Variants in LPXN observed in about 807,000 individuals in gnomAD.
LPXN encodes the protein leupaxin.
LPXN carries 28 observed loss-of-function variants against 45.6 expected under a neutral mutation model. The observed-to-expected ratio is 0.61, with a 90% confidence interval of 0.45 to 0.84. LPXN has a LOEUF of 0.84. LPXN is among the 40% of genes least tolerant of loss of function. The pLI is 0.00. For synonymous variants in LPXN, 166 were observed against 169.9 expected (o/e 0.98, Z 0.18); for missense variants, 459 against 475.0 (o/e 0.97, Z 0.31).
upstream of LPXN, chr11:58,578,027 G>A (rs1372385722): frequency 5.2e-6 from 8 of 1,550,956 alleles, no homozygotes; most frequent in South Asian, 1.2e-5. Context: ...ACCGGAAGAC[G>A]AGATCAATAA....
At chr11:58,528,838 CTTTT>C (rs954879632) in intron 7 of LPXN, among the ~76,000 whole-genome samples, 1 of 152,098 alleles carries the variant, frequency 6.6e-6, no homozygotes, top group Non-Finnish European at 1.5e-5. Context: ...TGTATTCCTC[CTTTT>C]TTTATTTTTT....
At chr11:58,565,949 G>C (rs764075736) in intron 2 of LPXN, among the ~76,000 whole-genome samples, 3 of 152,164 alleles carry the variant, frequency 2.0e-5, no homozygotes, top group Non-Finnish European at 4.4e-5. Context: ...AGCGAGCCAA[G>C]ATCATGCCAC....
Position 58,550,704 on chromosome 11 carries a change from A to C in LPXN, c.486+361T>G, listed in dbSNP as rs542590088. ...TGTGTGAACAAAGGGAGCAGTGAGA[A>C]AGGTCATCTCAGTAAAGGCAGTACA... On this transcript the variant is annotated intron_variant, in intron 5 of 8. Coordinates refer to ENST00000395074, the MANE Select transcript of LPXN (RefSeq NM_004811.3). Among the ~76,000 whole-genome samples the C allele has an allele frequency of 4.6e-5, 7 of 152,324 alleles. No homozygotes were observed. The South Asian group carries it at 1.4e-3, about 32-fold the overall frequency.
intron 7 of LPXN, among the ~76,000 whole-genome samples, chr11:58,548,684 G>A (rs549788252): frequency 1.8e-4 from 27 of 152,210 alleles, no homozygotes; most frequent in African/African-American, 6.0e-4. Context: ...TAAATACCAC[G>A]CTTGTATTGT....
chr11:58,578,396 C>A (rs976372318), upstream of LPXN, among the ~76,000 whole-genome samples: 4 of 152,112 alleles, frequency 2.6e-5, no homozygotes, highest in African/African-American at 9.6e-5. Flanking sequence ...AAGACTTCAT[C>A]TCCCAGAATG....
At chr11:58,575,131 T>C (rs913878727) in intron 1 of LPXN, among the ~76,000 whole-genome samples, 2 of 152,224 alleles carry the variant, frequency 1.3e-5, no homozygotes, top group African/African-American at 2.4e-5. Context: ...CTGGTTTTAA[T>C]TGTCTTAGAG....
chr11:58,577,874 A>T (rs1455094424), upstream of LPXN: 36 of 971,820 alleles, frequency 3.7e-5, 2 homozygotes, highest in South Asian at 6.1e-4. Flanking sequence ...CTAGTAGAAA[A>T]GCAACTTTAT....
chr11:58,533,380 T>TA (rs1169793556), intron 7 of LPXN, among the ~76,000 whole-genome samples: 1 of 152,068 alleles, frequency 6.6e-6, no homozygotes, highest in African/African-American at 2.4e-5. Context: ...TCAACATTCT[T>TA]AAAAGCATTT....
chr11:58,577,285 C>T (rs545257159), upstream of LPXN, among the ~76,000 whole-genome samples: 28 of 152,258 alleles, frequency 1.8e-4, no homozygotes, highest in Non-Finnish European at 5.9e-5. Context: ...TCGATTATTA[C>T]AACTGAAAAT....
At chr11:58,545,589 T>C (rs1239084827) in intron 7 of LPXN, among the ~76,000 whole-genome samples, 1 of 152,178 alleles carries the variant, frequency 6.6e-6, no homozygotes, top group Non-Finnish European at 1.5e-5. Flanking sequence ...CAAGCTCCAG[T>C]GAACAAGCAA....
At chr11:58,577,761 G>C (rs1025456691), upstream of LPXN, among the ~76,000 whole-genome samples, 4 of 151,328 alleles carry the variant, frequency 2.6e-5, no homozygotes, top group Non-Finnish European at 5.9e-5. Flanking sequence ...CTCGGTGTAG[G>C]TCACCAGTCA....
intron 7 of LPXN, among the ~76,000 whole-genome samples, chr11:58,549,167 G>A (rs1269405083): frequency 3.3e-5 from 5 of 152,210 alleles, no homozygotes; most frequent in Non-Finnish European, 5.9e-5. Context: ...AGGCCAAGGC[G>A]GGCGGATCAC....
At position 58,534,775 on chromosome 11, in the gene LPXN, C is replaced by A. The variant is rs796242369; in HGVS notation, c.743-6584G>T. Among the ~76,000 whole-genome samples, 9 of 151,932 alleles carry A rather than the reference C, an allele frequency of 5.9e-5. 1 individual carries two copies. Among genetic ancestry groups the A allele is most frequent in the African/African-American group, 1.9e-4 (8 of 41,416 alleles). On this transcript the variant is annotated intron_variant, in intron 7 of 8. Transcript: ENST00000395074. ...ATCAACAAAATAGATAGACTACTAG[C>A]CACACTAATAAAGAAAAAAAGAGAG...
chr11:58,571,225 A>G (rs1207453879), intron 1 of LPXN, among the ~76,000 whole-genome samples: 1 of 152,090 alleles, frequency 6.6e-6, no homozygotes, highest in African/African-American at 2.4e-5. Context: ...CTGTGGTCCC[A>G]GCTACTTGGG....
chr11:58,532,224 A>AC (rs1853412114), intron 7 of LPXN, among the ~76,000 whole-genome samples: 3 of 152,024 alleles, frequency 2.0e-5, no homozygotes, highest in African/African-American at 7.2e-5. Context: ...CATGCCCGAG[A>AC]CCCCCACAGT....
At chr11:58,558,630 A>T (rs1403244383) in intron 3 of LPXN, among the ~76,000 whole-genome samples, 1 of 151,756 alleles carries the variant, frequency 6.6e-6, no homozygotes, top group Non-Finnish European at 1.5e-5. Context: ...TAGAAAACCC[A>T]GAAACAGGCT....
At chr11:58,561,120 A>G (rs569138411) in intron 3 of LPXN, among the ~76,000 whole-genome samples, 36 of 152,024 alleles carry the variant, frequency 2.4e-4, no homozygotes, top group Admixed American at 1.4e-3. Context: ...CTGTCTCACG[A>G]CTACTCAAGC....
intron 3 of LPXN, among the ~76,000 whole-genome samples, chr11:58,558,269 G>A (rs1316199605): frequency 6.6e-6 from 1 of 151,998 alleles, no homozygotes; most frequent in African/African-American, 2.4e-5. Flanking sequence ...AGGGCTGGGT[G>A]CGATCGTTCA....
chr11:58,578,231 T>A, upstream of LPXN: 1 of 697,850 alleles, frequency 1.4e-6, no homozygotes, highest in Non-Finnish European at 2.2e-6. Flanking sequence ...ACGGCACGCG[T>A]CGCGACCTAA....
Sources: allele counts gnomAD v4.1 joint callset (sites outside exome capture counted in the v4.1 genomes callset), GRCh38; gene constraint gnomAD v4.1.1; transcripts MANE v1.5; gene names NCBI Gene and HGNC (gene_info 2026-07-23, HGNC 2026-07-21).